The following RYR2 variants were observed in gnomAD, a reference collection of about 807,000 sequenced individuals.
RYR2 encodes the protein ryanodine receptor 2.
A neutral mutation model predicts 601.1 loss-of-function variants in RYR2; 227 were observed. The observed-to-expected ratio is 0.38, with a 90% CI of 0.34 to 0.42. The LOEUF is 0.42. RYR2 is among the 10% of genes least tolerant of loss of function. RYR2 has a pLI of 1.00. For missense variants in RYR2, 4,646 were observed against 6,156.5 expected (o/e 0.75, Z 8.21); for synonymous variants, 2,223 against 2,175.1 (o/e 1.02, Z -0.61).
intron 13 of RYR2, 77 bp downstream of exon 13, chr1:237,441,560 C>G (rs1333377934): frequency 1.5e-6 from 2 of 1,356,382 alleles, no homozygotes; most frequent in Non-Finnish European, 2.0e-6. Context: ...AAATAATTGG[C>G]TGATCTTTTT....
intron 17 of RYR2, among the ~76,000 whole-genome samples, 168 bp from the exon 18 acceptor site, chr1:237,491,638 C>T (rs535002663): frequency 7.4e-4 from 113 of 152,282 alleles, no homozygotes; most frequent in African/African-American, 2.7e-3. Flanking sequence ...TATTAGTCCC[C>T]TCTCCCAAAC....
rs181911710 is a variant in RYR2, at chr1:237,470,707, G to A, written c.1708+1520G>A. The stretch of plus-strand genomic sequence containing the variant: ...TAAGTGGTACTGAAGCAAAGTCATT[G>A]TCTGGGGTAAATACCTGAGATTCAT... On this transcript the variant is annotated intron_variant, in intron 17 of 104. Transcript: ENST00000366574. 1.8e-3 allele frequency among the ~76,000 whole-genome samples: 279 copies of A among 152,300 alleles called. 1 individual carries two copies. The highest frequency in any genetic ancestry group is 6.4e-3 in the African/African-American group (268 of 41,566).
intron 20 of RYR2, among the ~76,000 whole-genome samples, chr1:237,499,443 C>T (rs963242621): frequency 6.6e-6 from 1 of 152,064 alleles, no homozygotes; most frequent in African/African-American, 2.4e-5. Flanking sequence ...ATAAAGCTAT[C>T]GTATCCCTCC....
chr1:237,719,479 C>T (rs1232240944), intron 73 of RYR2, among the ~76,000 whole-genome samples: 1 of 152,096 alleles, frequency 6.6e-6, no homozygotes, highest in Non-Finnish European at 1.5e-5. Flanking sequence ...AGCTTAAAAT[C>T]ATGGCAGATG....
At chr1:237,488,652 T>G (rs1662970577) in intron 17 of RYR2, among the ~76,000 whole-genome samples, 1 of 152,166 alleles carries the variant, frequency 6.6e-6, no homozygotes, top group Non-Finnish European at 1.5e-5. Flanking sequence ...CCATTGTGAT[T>G]TGCTCCTGTC....
At chr1:237,514,506 T>A (rs1226217977) in intron 24 of RYR2, among the ~76,000 whole-genome samples, 2 of 152,252 alleles carry the variant, frequency 1.3e-5, no homozygotes, top group Non-Finnish European at 2.9e-5. Flanking sequence ...TATGATGGAC[T>A]GATTTTTATT....
chr1:237,819,168 G>A lies in RYR2; in HGVS notation c.14566G>A (p.Val4856Ile). The A allele has an allele frequency of 6.2e-7, 1 of 1,613,716 alleles. No homozygotes were observed. Among genetic ancestry groups the A allele is most frequent in the Non-Finnish European group, 8.5e-7 (1 of 1,179,710 alleles). ...CATCACTTTCTTCTTCTTTGTTATT[G>A]TCATTCTCTTGGCCATAATACAAGG... ...FDITFFFFVI[V>I]ILLAIIQGLI... is the part of the protein sequence containing the mutation. The change falls in exon 101 of 105, where the codon GTC becomes ATC. Residue 4856 changes from valine to isoleucine, a missense_variant. Transcript: ENST00000366574. This position sits in a 1 kb window ranked among gnomAD's most constrained non-coding sequence, Gnocchi z 4.0.
At chr1:237,289,177 G>A (rs1432154625) in intron 2 of RYR2, among the ~76,000 whole-genome samples, 3 of 152,192 alleles carry the variant, frequency 2.0e-5, no homozygotes, top group Non-Finnish European at 4.4e-5. Context: ...TCCTGCAGGA[G>A]CAGTCCGCTT....
chr1:237,285,085 G>A (rs1244572398), intron 2 of RYR2, among the ~76,000 whole-genome samples: 1 of 152,046 alleles, frequency 6.6e-6, no homozygotes, highest in Non-Finnish European at 1.5e-5. Context: ...GAGTGGTGCA[G>A]GTGGGCATCC....
Position 237,149,264 on chromosome 1 carries a change from G to A in RYR2, c.48+106695G>A, listed in dbSNP as rs577781886. 1.6e-3 allele frequency among the ~76,000 whole-genome samples: 242 copies of A among 152,164 alleles called. 2 individuals are homozygous for A. In the South Asian group the frequency reaches 0.024, roughly 15 times the overall value. Reference sequence around the variant, plus strand: ...AAAAGACAGTTTTAGTTTGAGGCTAGCCTGAGCAACATGCTGAGACCCCGT... The same window carrying A: ...AAAAGACAGTTTTAGTTTGAGGCTAACCTGAGCAACATGCTGAGACCCCGT... On this transcript the variant is annotated intron_variant, in intron 1 of 104. Coordinates refer to ENST00000366574, the MANE Select transcript of RYR2 (RefSeq NM_001035.3).
chr1:237,387,074 T>C (rs939976087), intron 8 of RYR2, among the ~76,000 whole-genome samples: 4 of 152,238 alleles, frequency 2.6e-5, no homozygotes, highest in African/African-American at 9.6e-5. Flanking sequence ...AGTCAGTAAC[T>C]GTTAGAATGA....
chr1:237,179,426 T>C (rs1402152669), intron 1 of RYR2, among the ~76,000 whole-genome samples: 1 of 151,830 alleles, frequency 6.6e-6, no homozygotes, highest in East Asian at 1.9e-4. Context: ...AAATGCTTTA[T>C]GTTTAGGAGA....
At position 237,086,278 on chromosome 1, in the gene RYR2, G is replaced by A. The variant is rs535376437; in HGVS notation, c.48+43709G>A. On this transcript the variant is annotated intron_variant, in intron 1 of 104. Coordinates refer to ENST00000366574, the MANE Select transcript of RYR2 (RefSeq NM_001035.3). ...GGCTGTCTTTTCCCTGTGTCCTCACGTGGTCTTTCCTCCATGTATCTGTGT... is the reference window on the plus strand; with the variant it reads ...GGCTGTCTTTTCCCTGTGTCCTCACATGGTCTTTCCTCCATGTATCTGTGT... Among the ~76,000 whole-genome samples, 60 of 152,254 alleles carry A rather than the reference G, an allele frequency of 3.9e-4. No individual in the cohort carries two copies. The South Asian group carries it at 0.012, about 30-fold the overall frequency.
intron 96 of RYR2, among the ~76,000 whole-genome samples, chr1:237,796,001 T>C (rs1006034715): frequency 1.3e-5 from 2 of 150,260 alleles, no homozygotes; most frequent in Admixed American, 1.3e-4. Flanking sequence ...TATAAATGTG[T>C]ACATGTACAT....
At chr1:237,418,788 C>T (rs558854540) in intron 11 of RYR2, among the ~76,000 whole-genome samples, 35 of 151,934 alleles carry the variant, frequency 2.3e-4, no homozygotes, top group Non-Finnish European at 3.7e-4. Context: ...AAAAGCTCTT[C>T]TATATTGTCA....
rs1553512558 is a variant in RYR2, at chr1:237,584,651, T to TTTG, written c.3599-5140_3599-5139insGTT. ...GGCCCAAATCCAGCTCACCACCTGT[T>TTTG]TTTTTTTTTTTTTTTTTTTTTTGAG... On this transcript the variant is annotated intron_variant, in intron 29 of 104. Transcript: ENST00000366574. Among the ~76,000 whole-genome samples the TTTG allele has an allele frequency of 3.4e-5, 4 of 116,558 alleles. 1 individual carries two copies. Among genetic ancestry groups the TTTG allele is most frequent in the Admixed American group, 1.7e-4 (2 of 11,576 alleles). The allele number at this position is 116,558 out of a possible 152,430, so 76.5% of individuals were successfully genotyped here.
At chr1:237,117,737 CTTCTCTTCTCTTCTCTTCT>C (rs1460938413) in intron 1 of RYR2, among the ~76,000 whole-genome samples, 9 of 143,252 alleles carry the variant, frequency 6.3e-5, no homozygotes, top group African/African-American at 2.4e-4. Flanking sequence ...CTTCTCTTCT[CTTCTCTTCTCTTCTCTTCT>C]CTGTTCTGAG....
In RYR2 at chr1:237,685,543, T is replaced by A. The variant is rs139663740; in HGVS notation, c.9018-1912T>A. Among the ~76,000 whole-genome samples, 1,402 of 152,336 alleles carry A rather than the reference T, an allele frequency of 9.2e-3. 15 individuals carry two copies. Among genetic ancestry groups the A allele is most frequent in the Non-Finnish European group, 0.011 (756 of 68,028 alleles). On this transcript the variant is annotated intron_variant, in intron 62 of 104. Coordinates refer to ENST00000366574, the MANE Select transcript of RYR2 (RefSeq NM_001035.3). Reference sequence around the variant, plus strand: ...CTGGATCATCAAGAATATCTCAGAATGTTTCACTCTGGATACTAGAGAGGA... The same window carrying A: ...CTGGATCATCAAGAATATCTCAGAAAGTTTCACTCTGGATACTAGAGAGGA...
intron 25 of RYR2, among the ~76,000 whole-genome samples, chr1:237,537,344 G>A (rs1214163696): frequency 1.3e-5 from 2 of 151,874 alleles, no homozygotes; most frequent in Non-Finnish European, 2.9e-5. Context: ...TTTGTTTTTA[G>A]ATGGAGTCTT....
Sources: gnomAD v4.1 joint callset for allele counts (sites outside exome capture counted in the v4.1 genomes callset) on GRCh38, gnomAD v4.1.1 for gene constraint, Gnocchi (gnomAD v3.1) non-coding constraint, MANE v1.5 for transcripts, NCBI Gene and HGNC (gene_info 2026-07-23, HGNC 2026-07-21) for gene names.